Variants in ASIC2 observed in about 807,000 individuals in gnomAD.
The protein encoded by ASIC2 is acid-sensing ion channel 2.
In ASIC2, 25 loss-of-function variants were observed where a neutral mutation model predicts 57.3. The observed-to-expected ratio is 0.44, with a 90% CI of 0.32 to 0.61. ASIC2 has a LOEUF of 0.61. Ranked by LOEUF, ASIC2 falls within the 20% of genes least tolerant of loss-of-function variation. The probability of loss-of-function intolerance (pLI) is 0.06; values close to 1 mark genes in which losing one functional copy is unlikely to be tolerated. For missense variants in ASIC2, 641 were observed against 738.1 expected (o/e 0.87, Z 1.52); for synonymous variants, 319 against 307.5 (o/e 1.04, Z -0.39).
chr17:33,417,970 A>C (rs1423877076), intron 1 of ASIC2, among the ~76,000 whole-genome samples: 1 of 147,598 alleles, frequency 6.8e-6, no homozygotes, highest in Non-Finnish European at 1.5e-5. Flanking sequence ...TATTTTGTTG[A>C]CCCAGCTATC....
At chr17:33,041,978 C>T (rs2091931849) in intron 3 of ASIC2, among the ~76,000 whole-genome samples, 1 of 152,184 alleles carries the variant, frequency 6.6e-6, no homozygotes, top group Non-Finnish European at 1.5e-5. Context: ...CTGCCTCCCA[C>T]TATAAGTGCA....
chr17:33,313,613 ACTC>A lies in ASIC2; in HGVS notation c.556-201549_556-201547del, dbSNP rs1448981454. On this transcript the variant is annotated intron_variant, in intron 1 of 9. Transcript: ENST00000359872. ...TTCTCCACAAAGTTCAGAGCTAAAA[ACTC>A]CTCTGGTTATTATGACATTTGAATA... Among the ~76,000 whole-genome samples the A allele has an allele frequency of 2.6e-5, 4 of 151,558 alleles. No homozygotes were observed. In the East Asian group the frequency reaches 7.8e-4, roughly 30 times the overall value.
At position 33,017,634 on chromosome 17, in the gene ASIC2, T is replaced by C. The variant is rs975549317; in HGVS notation, c.1492A>G (p.Ile498Val). ...TAAATATAATCAAAGAGCTCTAGTATTGTAAGGATACTAGCACCAATGAAC... is the reference window on the plus strand; with the variant it reads ...TAAATATAATCAAAGAGCTCTAGTACTGTAAGGATACTAGCACCAATGAAC... ...GLFIGASILT[I>V]LELFDYIYEL... The change falls in exon 8 of 10, where the codon ATA (isoleucine) becomes GTA (valine). Residue 498 changes from isoleucine (I) to valine (V), a missense_variant. Physicochemically the swap from Ile to Val is conservative, Grantham distance 29 (BLOSUM62 3). Transcript: ENST00000225823. 3 of 1,613,724 alleles carry C rather than the reference T, an allele frequency of 1.9e-6. No individual in the cohort carries two copies. The highest frequency in any genetic ancestry group is 2.5e-6 in the Non-Finnish European group (3 of 1,179,636).
At chr17:33,785,279 C>A (rs1186103633) in intron 1 of ASIC2, among the ~76,000 whole-genome samples, 1 of 152,138 alleles carries the variant, frequency 6.6e-6, no homozygotes, top group East Asian at 1.9e-4. Flanking sequence ...CCTGCCGACA[C>A]CTTGAATTCA....
chr17:33,737,234 A>G (rs1909942487), intron 1 of ASIC2, among the ~76,000 whole-genome samples: 1 of 152,272 alleles, frequency 6.6e-6, no homozygotes. Context: ...TGATCAAAAA[A>G]TAGACTCATT....
chr17:33,867,994 G>A (rs1460250781), intron 1 of ASIC2, among the ~76,000 whole-genome samples: 1 of 152,094 alleles, frequency 6.6e-6, no homozygotes, highest in Non-Finnish European at 1.5e-5. Flanking sequence ...CACATCTCCT[G>A]GTTCATAATT....
intron 1 of ASIC2, among the ~76,000 whole-genome samples, chr17:33,417,367 T>G (rs1414475173): frequency 2.0e-5 from 3 of 152,188 alleles, no homozygotes; most frequent in Admixed American, 1.3e-4. Flanking sequence ...GATTATTCCT[T>G]ATATGGAATA....
chr17:33,319,326 G>C (rs1906778440), intron 1 of ASIC2, among the ~76,000 whole-genome samples: 1 of 152,132 alleles, frequency 6.6e-6, no homozygotes, highest in Non-Finnish European at 1.5e-5. Flanking sequence ...TGCTTCAAGG[G>C]TCCATAGTAT....
At chr17:33,330,946 C>A (rs1597686079) in intron 1 of ASIC2, among the ~76,000 whole-genome samples, 1 of 152,074 alleles carries the variant, frequency 6.6e-6, no homozygotes, top group Admixed American at 6.6e-5. Context: ...AATGGACTAT[C>A]TTAGGTAATC....
intron 1 of ASIC2, among the ~76,000 whole-genome samples, chr17:33,332,488 C>T (rs1426188443): frequency 2.6e-5 from 4 of 152,110 alleles, no homozygotes; most frequent in Non-Finnish European, 2.9e-5. Context: ...TGTCTTATTT[C>T]AGACCAGTCA....
intron 1 of ASIC2, among the ~76,000 whole-genome samples, chr17:33,634,108 C>T (rs745969751): frequency 2.6e-5 from 4 of 151,384 alleles, no homozygotes; most frequent in Non-Finnish European, 5.9e-5. Flanking sequence ...TTCCCATTCA[C>T]GTGGATTTTA....
At chr17:33,172,132 GC>G (rs1167504490) in intron 1 of ASIC2, among the ~76,000 whole-genome samples, 1 of 152,198 alleles carries the variant, frequency 6.6e-6, no homozygotes, top group Non-Finnish European at 1.5e-5. Context: ...ATTGCATCAT[GC>G]CCCCTGATAG....
chr17:33,063,411 T>C (rs2141941899), intron 3 of ASIC2, among the ~76,000 whole-genome samples: 1 of 152,310 alleles, frequency 6.6e-6, no homozygotes, highest in East Asian at 1.9e-4. Flanking sequence ...TATTTCTCCT[T>C]CACTTATGAA....
chr17:33,954,707 A>T (rs1158651259), intron 1 of ASIC2, among the ~76,000 whole-genome samples: 1 of 152,170 alleles, frequency 6.6e-6, no homozygotes, highest in Non-Finnish European at 1.5e-5. Context: ...CGAAGCTGTG[A>T]GTGTTTTGTC....
At position 33,177,022 on chromosome 17, in the gene ASIC2, G is replaced by T. The variant is rs1370376884; in HGVS notation, c.709-64955C>A. 2.6e-5 allele frequency among the ~76,000 whole-genome samples: 4 copies of T among 152,312 alleles called. No homozygotes were observed. In the East Asian group the frequency reaches 5.8e-4, roughly 22 times the overall value. On this transcript the variant is annotated intron_variant, in intron 1 of 9. Coordinates refer to ENST00000225823, the MANE Select transcript of ASIC2 (RefSeq NM_183377.2). ...TTGTTCCATATCCAAGGCATGGGTG[G>T]CTGGGGACAACTTGTGTCCATAAGT...
At chr17:33,508,761 A>G (rs1914343034) in intron 1 of ASIC2, among the ~76,000 whole-genome samples, 1 of 152,148 alleles carries the variant, frequency 6.6e-6, no homozygotes, top group Non-Finnish European at 1.5e-5. Flanking sequence ...TTATCCTTCC[A>G]ACCTGGCACT....
intron 3 of ASIC2, among the ~76,000 whole-genome samples, chr17:33,059,343 G>A (rs992623091): frequency 1.3e-5 from 2 of 151,954 alleles, no homozygotes; most frequent in Non-Finnish European, 2.9e-5. Flanking sequence ...AGTGTGTGAT[G>A]TTCCCCTTCC....
intron 2 of ASIC2, among the ~76,000 whole-genome samples, chr17:33,090,954 A>T (rs2092155221): frequency 6.6e-6 from 1 of 152,142 alleles, no homozygotes; most frequent in Non-Finnish European, 1.5e-5. Flanking sequence ...CTACAAACAC[A>T]TCCCACTTCC....
rs141767537 is a variant in ASIC2 at position 33,187,347 on chromosome 17, C to A, written c.709-75280G>T. On this transcript the variant is annotated intron_variant, in intron 1 of 9. Transcript: ENST00000225823. Reference sequence around the variant, plus strand: ...GCTAATGCTTCTTTAAGCAACTTGACAACTTATTGCAGGGAAAATGCTTCC... The same window carrying A: ...GCTAATGCTTCTTTAAGCAACTTGAAAACTTATTGCAGGGAAAATGCTTCC... Among the ~76,000 whole-genome samples, 383 of 152,296 alleles carry A rather than the reference C, an allele frequency of 2.5e-3. 1 individual carries two copies. The highest frequency in any genetic ancestry group is 3.9e-3 in the Non-Finnish European group (264 of 68,020).
Sources: gnomAD v4.1 joint callset for allele counts (sites outside exome capture counted in the v4.1 genomes callset) on GRCh38, gnomAD v4.1.1 for gene constraint, MANE v1.5 for transcripts, NCBI Gene and HGNC (gene_info 2026-07-23, HGNC 2026-07-21) for gene names.